MOK: variants seen among roughly 807,000 people sequenced by gnomAD.
MOK encodes MOK protein kinase.
In MOK, 59 loss-of-function variants were observed where a neutral mutation model predicts 54.2. The ratio of observed to expected loss-of-function variants is 1.09; its 90% CI spans 0.88 to 1.35. The LOEUF is 1.35. Among genes scored for constraint, MOK ranks in the 40% most tolerant of loss-of-function variants. The pLI is 0.00. For synonymous variants in MOK, 210 were observed against 202.7 expected (o/e 1.04, Z -0.31); for missense variants, 517 against 526.2 (o/e 0.98, Z 0.17).
chr14:102,219,746 G>A (rs908935495), downstream of MOK, among the ~76,000 whole-genome samples: 21 of 152,362 alleles, frequency 1.4e-4, no homozygotes, highest in East Asian at 2.5e-3. Flanking sequence ...TCTGCATGGC[G>A]ATGCATTCTA....
chr14:102,304,281 T>A (rs1237661061), intron 1 of MOK, among the ~76,000 whole-genome samples: 1 of 152,196 alleles, frequency 6.6e-6, no homozygotes, highest in Non-Finnish European at 1.5e-5. Flanking sequence ...AATAATAATT[T>A]TAAAAACATC....
intron 1 of MOK, among the ~76,000 whole-genome samples, chr14:102,288,627 T>C (rs2070404570): frequency 6.6e-6 from 1 of 152,216 alleles, no homozygotes; most frequent in African/African-American, 2.4e-5. Context: ...ATTATAGTTA[T>C]AGTTACACAA....
intron 7 of MOK, among the ~76,000 whole-genome samples, chr14:102,237,244 T>A (rs141293669): frequency 0.012 from 1,757 of 152,314 alleles, 14 homozygotes; most frequent in Middle Eastern, 0.041. Context: ...GTGGACAATC[T>A]TCTCCTTTGC....
intron 7 of MOK, among the ~76,000 whole-genome samples, chr14:102,250,575 G>A (rs2066447131): frequency 6.6e-6 from 1 of 152,162 alleles, no homozygotes; most frequent in Non-Finnish European, 1.5e-5. Context: ...CACCACCAGG[G>A]TGTGCAGGAG....
chr14:102,237,641 C>T (rs1453282935), intron 7 of MOK, among the ~76,000 whole-genome samples: 1 of 152,240 alleles, frequency 6.6e-6, no homozygotes, highest in Non-Finnish European at 1.5e-5. Context: ...ACTGCACCAG[C>T]TCTGTCCTTA....
chr14:102,263,017 C>G (rs1729962914), intron 4 of MOK, among the ~76,000 whole-genome samples: 1 of 152,214 alleles, frequency 6.6e-6, no homozygotes, highest in Admixed American at 6.5e-5. Flanking sequence ...GTATCTCAAA[C>G]CAGCCCTGAC....
At chr14:102,246,728 T>C (rs1406009333) in intron 7 of MOK, among the ~76,000 whole-genome samples, 3 of 152,280 alleles carry the variant, frequency 2.0e-5, no homozygotes, top group Admixed American at 2.0e-4. Context: ...CAACCTTACA[T>C]GCCTACTTAC....
intron 8 of MOK, chr14:102,233,228 C>G (rs984355761): frequency 6.3e-6 from 1 of 159,602 alleles, no homozygotes; most frequent in African/African-American, 2.4e-5. Flanking sequence ...CCTCAGCCCA[C>G]AGGCCCTCCC....
chr14:102,251,273 GAAC>G (rs1434754342), intron 6 of MOK, among the ~76,000 whole-genome samples: 1 of 152,212 alleles, frequency 6.6e-6, no homozygotes, highest in East Asian at 1.9e-4. Flanking sequence ...TTCTACAAAT[GAAC>G]AACACACACT....
chr14:102,231,686 G>C lies in MOK; in HGVS notation c.981+21C>G. ...GTCCCGGCTGAGCTAGGCAGTCTCC[G>C]GCTCCGATTTCGCTTAGTACCTGCT... On this transcript the variant is annotated intron_variant, in intron 10 of 11. Transcript: ENST00000361847. The surrounding 1 kb of genome is among the most constrained non-coding windows in gnomAD (Gnocchi z 4.4). The C allele has an allele frequency of 6.2e-7, 1 of 1,602,396 alleles. No individual in the cohort carries two copies. Among genetic ancestry groups the C allele is most frequent in the Non-Finnish European group, 8.5e-7 (1 of 1,171,918 alleles).
chr14:102,261,998 G>A (rs1226250964), intron 4 of MOK, among the ~76,000 whole-genome samples: 4 of 151,040 alleles, frequency 2.6e-5, no homozygotes, highest in South Asian at 4.2e-4. Context: ...CCGCCACCAC[G>A]CCCGGCTAAT....
At position 102,245,760 on chromosome 14, in the gene MOK, G is replaced by A. The variant is rs767540816; in HGVS notation, c.590+5052C>T. 2.0e-5 allele frequency among the ~76,000 whole-genome samples: 3 copies of A among 152,084 alleles called. No homozygotes were observed. Among genetic ancestry groups the A allele is most frequent in the Admixed American group, 6.5e-5 (1 of 15,268 alleles). ...TGTTTGGTGGTCTTTTCACATGGAC[G>A]TGTGTGACACTTACAACCCCTACTG... On this transcript the variant is annotated intron_variant, in intron 7 of 11. Coordinates refer to ENST00000361847, the MANE Select transcript of MOK (RefSeq NM_014226.3). This position sits in a 1 kb window ranked among gnomAD's most constrained non-coding sequence, Gnocchi z 4.3.
intron 2 of MOK, among the ~76,000 whole-genome samples, chr14:102,277,930 A>G (rs1413037198): frequency 6.6e-6 from 1 of 152,232 alleles, no homozygotes; most frequent in Non-Finnish European, 1.5e-5. Flanking sequence ...TCATACGTTG[A>G]AACCCTAAAC....
Position 102,231,679 on chromosome 14 carries a change from A to G in MOK, c.981+28T>C, listed in dbSNP as rs1056543023. The G allele has an allele frequency of 6.3e-7, 1 of 1,596,268 alleles. No homozygotes were observed. Among genetic ancestry groups the G allele is most frequent in the Non-Finnish European group, 8.6e-7 (1 of 1,166,564 alleles). On this transcript the variant is annotated intron_variant, in intron 10 of 11. Transcript: ENST00000361847. The surrounding 1 kb of genome is among the most constrained non-coding windows in gnomAD (Gnocchi z 4.4). ...GCATCCAGTCCCGGCTGAGCTAGGC[A>G]GTCTCCGGCTCCGATTTCGCTTAGT...
chr14:102,229,405 G>C (rs761364181), intron 11 of MOK, 39 bp from the exon 12 acceptor site: 1 of 1,614,060 alleles, frequency 6.2e-7, no homozygotes, highest in Non-Finnish European at 8.5e-7. Context: ...TTCAGTGGCG[G>C]CCTGGGCTGG....
At chr14:102,300,165 A>G (rs920637186) in intron 1 of MOK, among the ~76,000 whole-genome samples, 3 of 152,046 alleles carry the variant, frequency 2.0e-5, no homozygotes, top group African/African-American at 7.2e-5. Flanking sequence ...CTCTACTAAA[A>G]ATACAAAACT....
At chr14:102,257,299 G>A (rs1181924437) in intron 4 of MOK, among the ~76,000 whole-genome samples, 1 of 152,092 alleles carries the variant, frequency 6.6e-6, no homozygotes, top group Non-Finnish European at 1.5e-5. Context: ...CCTGGCAGAA[G>A]AGGCATGATT....
chr14:102,253,406 C>T (rs1008857912), intron 4 of MOK, among the ~76,000 whole-genome samples: 2 of 152,212 alleles, frequency 1.3e-5, no homozygotes, highest in African/African-American at 4.8e-5. Context: ...CCTTCCAGGA[C>T]GCTGTCCTTC....
intron 2 of MOK, among the ~76,000 whole-genome samples, chr14:102,270,747 A>T (rs1017329904): frequency 3.9e-5 from 6 of 152,192 alleles, no homozygotes; most frequent in Non-Finnish European, 5.9e-5. Flanking sequence ...AGCCCTATTT[A>T]ATAAAATAGC....
Sources: allele counts gnomAD v4.1 joint callset (sites outside exome capture counted in the v4.1 genomes callset), GRCh38; gene constraint gnomAD v4.1.1; non-coding constraint Gnocchi (gnomAD v3.1); transcripts MANE v1.5; gene names NCBI Gene and HGNC (gene_info 2026-07-23, HGNC 2026-07-21).